RPSA2: variants seen among roughly 807,000 people sequenced by gnomAD.
RPSA2 encodes the protein ribosomal protein SA 2.
At chr19:23,819,777 C>T in the RPSA2 span, among the ~76,000 whole-genome samples, 2 of 152,122 alleles carry the variant, frequency 1.3e-5, no homozygotes, top group East Asian at 3.9e-4. Flanking sequence ...GGACCTGATC[C>T]CACCTTAGAT....
the RPSA2 span, among the ~76,000 whole-genome samples, chr19:23,768,773 A>G: frequency 6.7e-6 from 1 of 149,114 alleles, no homozygotes; most frequent in African/African-American, 2.5e-5. Context: ...TATTTAGTAG[A>G]GACAGGGTTT....
chr19:23,851,716 G>T, the RPSA2 span, among the ~76,000 whole-genome samples: 1 of 152,186 alleles, frequency 6.6e-6, no homozygotes, highest in African/African-American at 2.4e-5. Flanking sequence ...CACATAACCA[G>T]CATTTCCGTT....
At chr19:23,869,630 C>T in the RPSA2 span, among the ~76,000 whole-genome samples, 1 of 151,578 alleles carries the variant, frequency 6.6e-6, no homozygotes, top group Non-Finnish European at 1.5e-5. Flanking sequence ...TTGAATACTC[C>T]TTCTTTATAC....
the RPSA2 span, among the ~76,000 whole-genome samples, chr19:23,841,229 C>G: frequency 2.0e-5 from 3 of 151,984 alleles, no homozygotes; most frequent in Non-Finnish European, 4.4e-5. Context: ...ATTTGGGAGG[C>G]CGAGGCAGGC....
the RPSA2 span, among the ~76,000 whole-genome samples, chr19:23,858,249 G>A: frequency 3.4e-5 from 4 of 118,656 alleles, no homozygotes; most frequent in East Asian, 8.8e-4. Context: ...CTGAAAGGGT[G>A]AGAAGGTAGG....
At chr19:23,846,436 A>C in the RPSA2 span, among the ~76,000 whole-genome samples, 7 of 150,172 alleles carry the variant, frequency 4.7e-5, no homozygotes, top group African/African-American at 1.7e-4. Context: ...TGATTTATTT[A>C]TTTCTCTCTT....
chr19:23,782,071 T>A, the RPSA2 span: 1 of 152,986 alleles, frequency 6.5e-6, no homozygotes, highest in African/African-American at 2.4e-5. Flanking sequence ...GCTTTTGCCC[T>A]AAACATATAG....
the RPSA2 span, chr19:23,827,797 A>T: frequency 6.3e-7 from 1 of 1,583,814 alleles, no homozygotes; most frequent in Non-Finnish European, 8.6e-7. Context: ...AGATTGAAAA[A>T]GAAGAGCAGG....
chr19:23,775,184 G>C, the RPSA2 span, among the ~76,000 whole-genome samples: 2 of 152,154 alleles, frequency 1.3e-5, no homozygotes, highest in Admixed American at 6.5e-5. Flanking sequence ...TTTTGTGTAT[G>C]CACACTTTGC....
chr19:23,793,833 G>A, the RPSA2 span, among the ~76,000 whole-genome samples: 1 of 152,088 alleles, frequency 6.6e-6, no homozygotes, highest in African/African-American at 2.4e-5. Flanking sequence ...CAAAGTGCTG[G>A]GGTTACAGGT....
the RPSA2 span, among the ~76,000 whole-genome samples, chr19:23,761,901 A>ATCCTTCCTTCCTCCCTTCC: frequency 2.1e-4 from 7 of 34,028 alleles, no homozygotes; most frequent in Admixed American, 2.3e-3. Context: ...GGGTAACGTA[A>ATCCTTCCTTCCTCCCTTCC]TTCTTTCTTT....
At chr19:23,768,912 T>G in the RPSA2 span, among the ~76,000 whole-genome samples, 1 of 152,062 alleles carries the variant, frequency 6.6e-6, no homozygotes, top group East Asian at 1.9e-4. Flanking sequence ...TATGTGACTC[T>G]TCTCTCTTAC....
chr19:23,866,388 C>A, the RPSA2 span, among the ~76,000 whole-genome samples: 1 of 152,100 alleles, frequency 6.6e-6, no homozygotes, highest in Non-Finnish European at 1.5e-5. Context: ...TAATAGTTGA[C>A]AAATCTAAAA....
At chr19:23,865,129 A>G in the RPSA2 span, among the ~76,000 whole-genome samples, 1 of 152,218 alleles carries the variant, frequency 6.6e-6, no homozygotes, top group Non-Finnish European at 1.5e-5. Context: ...AGTGAAATAG[A>G]CAAGATGAAT....
At chr19:23,774,131 A>T in the RPSA2 span, among the ~76,000 whole-genome samples, 1 of 152,160 alleles carries the variant, frequency 6.6e-6, no homozygotes, top group East Asian at 1.9e-4. Flanking sequence ...CCTTGCACTT[A>T]GGTGATGTGA....
At chr19:23,828,914 T>C in the RPSA2 span, among the ~76,000 whole-genome samples, 1 of 149,842 alleles carries the variant, frequency 6.7e-6, no homozygotes, top group African/African-American at 2.5e-5. Flanking sequence ...ATTTGCTTTA[T>C]ATACTTGGAA....
the RPSA2 span, among the ~76,000 whole-genome samples, chr19:23,850,435 A>C: frequency 1.4e-4 from 13 of 95,326 alleles, no homozygotes; most frequent in Non-Finnish European, 2.1e-4. Context: ...GGGATTAGTT[A>C]GAGGGGTCTC....
chr19:23,856,332 A>G, the RPSA2 span, among the ~76,000 whole-genome samples: 1 of 152,130 alleles, frequency 6.6e-6, no homozygotes, highest in African/African-American at 2.4e-5. Flanking sequence ...TTCCCTTTTC[A>G]GGAAAGCAAG....
At chr19:23,815,830 T>C in the RPSA2 span, among the ~76,000 whole-genome samples, 1 of 152,168 alleles carries the variant, frequency 6.6e-6, no homozygotes, top group African/African-American at 2.4e-5. Flanking sequence ...CCTTATGTTA[T>C]ATATACATAT....
Sources: allele counts gnomAD v4.1 joint callset (sites outside exome capture counted in the v4.1 genomes callset), GRCh38; gene constraint gnomAD v4.1.1; transcripts MANE v1.5; gene names NCBI Gene and HGNC (gene_info 2026-07-23, HGNC 2026-07-21).